Variants in ACACA observed in about 807,000 individuals in gnomAD.
The protein encoded by ACACA is acetyl-CoA carboxylase alpha, also known as acetyl-CoA carboxylase 1.
A neutral mutation model predicts 296.1 loss-of-function variants in ACACA; 103 were observed. The ratio of observed to expected loss-of-function variants is 0.35; its 90% CI spans 0.30 to 0.41. The LOEUF is 0.41. Among genes scored for constraint, ACACA ranks in the 10% least tolerant of loss-of-function variants. The probability of loss-of-function intolerance (pLI) is 1.00; values close to 1 mark genes in which losing one functional copy is unlikely to be tolerated. For missense variants in ACACA, 1,554 were observed against 2,989.7 expected, an observed-to-expected ratio of 0.52 and a Z score of 11.20; for synonymous variants, 953 against 1,038.6, an observed-to-expected ratio of 0.92 and a Z score of 1.58.
At chr17:37,254,192 C>A (rs572957566) in intron 14 of ACACA, among the ~76,000 whole-genome samples, 2 of 152,194 alleles carry the variant, frequency 1.3e-5, no homozygotes, top group South Asian at 4.1e-4. Context: ...CAATGCCAGA[C>A]AGAATACTTA....
chr17:37,366,143 G>A (rs1032638586), intron 1 of ACACA, among the ~76,000 whole-genome samples: 1 of 152,050 alleles, frequency 6.6e-6, no homozygotes, highest in Non-Finnish European at 1.5e-5. Context: ...TTCCTCTAAA[G>A]CCATGACGGT....
chr17:37,167,867 T>C (rs1386157712), intron 41 of ACACA, among the ~76,000 whole-genome samples: 1 of 152,144 alleles, frequency 6.6e-6, no homozygotes, highest in Non-Finnish European at 1.5e-5. Flanking sequence ...TTCCTGAAAA[T>C]CTAAAATTAT....
intron 1 of ACACA, among the ~76,000 whole-genome samples, chr17:37,396,555 A>G (rs1185709229): frequency 6.6e-6 from 1 of 152,010 alleles, no homozygotes; most frequent in Non-Finnish European, 1.5e-5. Flanking sequence ...ACTGGCCTTA[A>G]CCATTATTTC....
At chr17:37,141,189 G>A (rs566549449) in intron 45 of ACACA, 17 of 548,750 alleles carry the variant, frequency 3.1e-5, no homozygotes, top group African/African-American at 2.4e-4. Context: ...AGGTCCCCAC[G>A]AAAAAGTTAG....
At chr17:37,119,605 C>G (rs2074422624) in intron 50 of ACACA, among the ~76,000 whole-genome samples, 1 of 135,256 alleles carries the variant, frequency 7.4e-6, no homozygotes, top group Non-Finnish European at 1.5e-5. Context: ...CACACACACA[C>G]ACACACACAC....
intron 41 of ACACA, among the ~76,000 whole-genome samples, chr17:37,164,755 A>C (rs1331120031): frequency 6.6e-6 from 1 of 152,110 alleles, no homozygotes; most frequent in African/African-American, 2.4e-5. Flanking sequence ...TTTTCTGTCA[A>C]TTTTCCTCTA....
intron 35 of ACACA, among the ~76,000 whole-genome samples, chr17:37,196,845 AT>A (rs955686878): frequency 8.6e-5 from 13 of 151,932 alleles, no homozygotes; most frequent in African/African-American, 2.7e-4. Context: ...CATCTTGTCC[AT>A]TTTTTTCTTT....
rs938834160 is a variant in ACACA at position 37,385,112 on chromosome 17, G to A, written c.38+21150C>T. ...GGACTTTTGCAATGGCCTCCTAACA[G>A]GTTACCCTCCTTCTACCCTTGCCCA... is the stretch of plus-strand genomic sequence containing the variant. On this transcript the variant is annotated intron_variant, in intron 1 of 55. Transcript: ENST00000616317. Among the ~76,000 whole-genome samples the A allele has an allele frequency of 4.1e-4, 63 of 152,050 alleles. 1 individual carries two copies.
At chr17:37,158,533 G>C (rs1358986266) in intron 42 of ACACA, among the ~76,000 whole-genome samples, 1 of 152,020 alleles carries the variant, frequency 6.6e-6, no homozygotes, top group African/African-American at 2.4e-5. Context: ...AGGAGGGTGA[G>C]GCTGGAAAAT....
rs1231355515 is a variant in ACACA at position 37,252,128 on chromosome 17, G to A, written c.1978-20C>T. 1.9e-6 allele frequency: 3 copies of A among 1,606,080 alleles called. No homozygotes were observed. Among genetic ancestry groups the A allele is most frequent in the Non-Finnish European group, 1.7e-6 (2 of 1,172,890 alleles). ...CTCAGCCTGAAAGGAGGAAAAAGAG[G>A]GCAGATCAAATGCATGGTCACTTGG... On this transcript the variant is annotated intron_variant, in intron 15 of 55. Transcript: ENST00000616317.
intron 45 of ACACA, chr17:37,141,478 G>A (rs113255180): frequency 0.022 from 5,560 of 258,300 alleles, 244 homozygotes; most frequent in African/African-American, 0.099. Context: ...ATATTGGCCA[G>A]CCTGGTCTTG....
chr17:37,329,554 T>G (rs1324774780), intron 3 of ACACA, among the ~76,000 whole-genome samples: 1 of 150,338 alleles, frequency 6.7e-6, no homozygotes, highest in African/African-American at 2.5e-5. Flanking sequence ...GGCAGGAGAA[T>G]CTCTTGAACC....
intron 1 of ACACA, chr17:37,376,158 A>G: frequency 6.2e-7 from 1 of 1,605,236 alleles, no homozygotes; most frequent in Non-Finnish European, 8.5e-7. Context: ...AAGGTATGTA[A>G]TTCTCTAGCC....
intron 10 of ACACA, among the ~76,000 whole-genome samples, chr17:37,266,094 G>A (rs1012684616): frequency 2.0e-5 from 3 of 152,248 alleles, no homozygotes; most frequent in Admixed American, 6.5e-5. Context: ...CTTTGGGCAC[G>A]TCAGGATGCT....
In ACACA at chr17:37,245,110, C is replaced by T; in HGVS notation, c.2565G>A (p.Met855Ile). The T allele has an allele frequency of 6.2e-7, 1 of 1,614,188 alleles. No homozygotes were observed. Among genetic ancestry groups the T allele is most frequent in the South Asian group, 1.1e-5 (1 of 91,080 alleles). ...GAACCTTGCTGGGGTTGTCCAGTTG[C>T]ATTTTGGCTAGTACACAGCCAGGGT... ...ALDPGCVLAK[M>I]QLDNPSKVQQ... Residue 855 changes from methionine to isoleucine, a missense_variant, in exon 20 of 56, where the codon ATG (methionine) becomes ATA (isoleucine). Physicochemically the swap from Met to Ile is conservative, Grantham distance 10 (BLOSUM62 1). Around this residue, in one of 16 missense-constraint regions of ACACA, gnomAD observed 316 missense variants for 540.9 expected, o/e 0.58. Transcript: ENST00000616317.
intron 2 of ACACA, among the ~76,000 whole-genome samples, chr17:37,336,677 C>T (rs1008297339): frequency 6.6e-6 from 1 of 152,104 alleles, no homozygotes; most frequent in South Asian, 2.1e-4. Flanking sequence ...AATCTTGCAA[C>T]TGCAAAAATA....
At chr17:37,088,537 C>T (rs927191864) in intron 55 of ACACA, among the ~76,000 whole-genome samples, 4 of 152,198 alleles carry the variant, frequency 2.6e-5, no homozygotes, top group African/African-American at 7.2e-5. Flanking sequence ...TCTCTACCAC[C>T]GATCCTATGG....
chr17:37,401,342 G>A (rs1168301594), intron 1 of ACACA, among the ~76,000 whole-genome samples: 1 of 151,464 alleles, frequency 6.6e-6, no homozygotes, highest in African/African-American at 2.4e-5. Flanking sequence ...ACAAGCGCCC[G>A]CCACCACGCC....
At chr17:37,294,655 T>A (rs1361791466) in intron 3 of ACACA, among the ~76,000 whole-genome samples, 2 of 152,198 alleles carry the variant, frequency 1.3e-5, no homozygotes, top group South Asian at 2.1e-4. Context: ...CACTTTCCCA[T>A]TCAACAGCAA....
Sources: allele counts gnomAD v4.1 joint callset (sites outside exome capture counted in the v4.1 genomes callset), GRCh38; gene constraint gnomAD v4.1.1; regional missense constraint gnomAD v4.1.1; transcripts MANE v1.5; gene names NCBI Gene and HGNC (gene_info 2026-07-23, HGNC 2026-07-21).